Variants in RPAP2 observed in about 807,000 individuals in gnomAD.
RPAP2 encodes the protein RNA polymerase II associated protein 2.
A neutral mutation model predicts 73.1 loss-of-function variants in RPAP2; 52 were observed. The ratio of observed to expected loss-of-function variants is 0.71; its 90% CI spans 0.57 to 0.90. RPAP2 has a LOEUF of 0.90. Ranked by LOEUF, RPAP2 falls within the 40% of genes least tolerant of loss-of-function variation. RPAP2 has a pLI of 0.00. For synonymous variants in RPAP2, 225 were observed against 242.1 expected, an observed-to-expected ratio of 0.93 and a Z score of 0.65; for missense variants, 598 against 701.8, an observed-to-expected ratio of 0.85 and a Z score of 1.67.
chr1:92,356,469 G>T (rs1654467236), intron 11 of RPAP2, among the ~76,000 whole-genome samples: 1 of 151,832 alleles, frequency 6.6e-6, no homozygotes, highest in Non-Finnish European at 1.5e-5. Context: ...CCAGGCTGCA[G>T]TACAGGTGAC....
At chr1:92,314,431 T>C (rs905166242) in intron 6 of RPAP2, among the ~76,000 whole-genome samples, 3 of 151,642 alleles carry the variant, frequency 2.0e-5, no homozygotes, top group African/African-American at 7.3e-5. Flanking sequence ...ATCTGTGCAA[T>C]TGAAATGGAT....
chr1:92,352,448 GTT>G (rs11324775), intron 11 of RPAP2, among the ~76,000 whole-genome samples: 2 of 151,982 alleles, frequency 1.3e-5, no homozygotes, highest in East Asian at 1.9e-4. Flanking sequence ...TCAGCAGGCT[GTT>G]TTTTTTTAAA....
intron 5 of RPAP2, among the ~76,000 whole-genome samples, chr1:92,305,352 G>C (rs556448942): frequency 2.4e-4 from 35 of 146,256 alleles, no homozygotes; most frequent in Non-Finnish European, 4.6e-4. Context: ...AGAATGGCGT[G>C]AACCCGGGAG....
intron 11 of RPAP2, among the ~76,000 whole-genome samples, chr1:92,379,630 A>G (rs1440589715): frequency 2.0e-5 from 3 of 152,172 alleles, no homozygotes; most frequent in Non-Finnish European, 4.4e-5. Flanking sequence ...TCATTTATTT[A>G]GTGTTTTAAA....
chr1:92,329,118 A>G (rs184168656), intron 8 of RPAP2, among the ~76,000 whole-genome samples: 250 of 152,294 alleles, frequency 1.6e-3, no homozygotes, highest in African/African-American at 5.9e-3. Flanking sequence ...GTTGGCCTTC[A>G]GCCAGGAGGT....
intron 6 of RPAP2, among the ~76,000 whole-genome samples, chr1:92,317,306 A>G (rs981669699): frequency 3.3e-5 from 5 of 152,142 alleles, no homozygotes; most frequent in African/African-American, 1.2e-4. Context: ...CAGGAATTCG[A>G]GACCAGCCTG....
Position 92,387,182 on chromosome 1 carries a change from G to A in RPAP2, c.*171G>A, listed in dbSNP as rs977039176. The A allele has an allele frequency of 6.0e-6, 3 of 499,016 alleles. No homozygotes were observed. The highest frequency in any genetic ancestry group is 5.8e-5 in the African/African-American group (3 of 51,460). The allele number at this position is 499,016 out of a possible 1,614,324, so 30.9% of individuals were successfully genotyped here. ...AGTCCTTCAGTCCCCAACTGCAGAG[G>A]ATGACCTCCCCAGATAGAGGAGAAT... On this transcript the variant is annotated 3_prime_UTR_variant, in exon 13 of 13. Coordinates refer to ENST00000610020, the MANE Select transcript of RPAP2 (RefSeq NM_024813.3).
intron 12 of RPAP2, among the ~76,000 whole-genome samples, chr1:92,383,320 C>T (rs1013324911): frequency 1.3e-5 from 2 of 152,134 alleles, no homozygotes; most frequent in African/African-American, 4.8e-5. Context: ...TCATTGGTAG[C>T]TTTATGGGGA....
intron 11 of RPAP2, among the ~76,000 whole-genome samples, chr1:92,374,076 A>G (rs1332728099): frequency 6.6e-6 from 1 of 152,194 alleles, no homozygotes; most frequent in Non-Finnish European, 1.5e-5. Flanking sequence ...ATGTAAATAA[A>G]TGGTTATGGC....
At chr1:92,383,551 C>T (rs1296734175) in intron 12 of RPAP2, among the ~76,000 whole-genome samples, 1 of 152,180 alleles carries the variant, frequency 6.6e-6, no homozygotes, top group Non-Finnish European at 1.5e-5. Context: ...GGAGTTCACT[C>T]ATGATTTGGC....
At chr1:92,319,029 C>T (rs558708534) in intron 6 of RPAP2, among the ~76,000 whole-genome samples, 9 of 151,788 alleles carry the variant, frequency 5.9e-5, no homozygotes, top group East Asian at 3.9e-4. Flanking sequence ...GATTTAAACA[C>T]GATTACATGC....
At chr1:92,355,174 C>T (rs1163607243) in intron 11 of RPAP2, among the ~76,000 whole-genome samples, 1 of 151,906 alleles carries the variant, frequency 6.6e-6, no homozygotes, top group Non-Finnish European at 1.5e-5. Flanking sequence ...TTTTATTTAA[C>T]ATTTTTTTTA....
intron 11 of RPAP2, among the ~76,000 whole-genome samples, chr1:92,380,249 G>A (rs1557633637): frequency 1.3e-5 from 2 of 150,900 alleles, no homozygotes; most frequent in Non-Finnish European, 2.9e-5. Context: ...CTGCACTCCA[G>A]CCTAGATGAC....
chr1:92,318,658 T>C lies in RPAP2; in HGVS notation c.489-1941T>C, dbSNP rs74581960. On this transcript the variant is annotated intron_variant, in intron 6 of 12. Coordinates refer to ENST00000610020, the MANE Select transcript of RPAP2 (RefSeq NM_024813.3). ...TATGGGCTCTCATTTCTCTGCCTCATTGCTGATAAAGTACCCTCCTTTATC... is the reference window on the plus strand; with the variant it reads ...TATGGGCTCTCATTTCTCTGCCTCACTGCTGATAAAGTACCCTCCTTTATC... Among the ~76,000 whole-genome samples the C allele has an allele frequency of 2.5e-3, 385 of 152,324 alleles. 3 individuals are homozygous for C. Among genetic ancestry groups the C allele is most frequent in the South Asian group, 9.3e-3 (45 of 4,828 alleles).
In RPAP2 at chr1:92,399,070, CT is replaced by C. The variant is rs1304753173; in HGVS notation, c.*12062del. The C allele has an allele frequency of 1.3e-5, 2 of 152,178 alleles. No individual in the cohort carries two copies. The highest frequency in any genetic ancestry group is 4.8e-5 in the African/African-American group (2 of 41,446). 9.4% of individuals were successfully genotyped at this position (152,178 alleles called of 1,614,324 possible). A position where few individuals can be genotyped will look rare whatever the true frequency, so the allele number is the denominator to read the frequency against. On this transcript the variant is annotated 3_prime_UTR_variant, in exon 13 of 13. Transcript: ENST00000610020. ...GGGAGGTGGAATTGGATCAAAATAC[CT>C]TTAGATGAAAGCAGCAGCACAAGCC...
chr1:92,336,073 TA>T (rs145025494), intron 9 of RPAP2, among the ~76,000 whole-genome samples: 2,363 of 152,292 alleles, frequency 0.016, 27 homozygotes, highest in Middle Eastern at 0.051. Context: ...AATAAACAGG[TA>T]AGTAAAACTA....
chr1:92,399,287 G>A lies in RPAP2; in HGVS notation c.*12276G>A, dbSNP rs1180947946. 2 of 152,186 alleles carry A rather than the reference G, an allele frequency of 1.3e-5. No homozygotes were observed. The highest frequency in any genetic ancestry group is 2.4e-5 in the African/African-American group (1 of 41,434). 9.4% of individuals were successfully genotyped at this position (152,186 alleles called of 1,614,324 possible). A position where few individuals can be genotyped will look rare whatever the true frequency, so the allele number is the denominator to read the frequency against. The stretch of plus-strand genomic sequence containing the variant: ...TCAGGAAATTCTGGACTCCCTTGGG[G>A]CTTGCAAAACTCCCTATGTCTTGCA... On this transcript the variant is annotated 3_prime_UTR_variant, in exon 13 of 13. Transcript: ENST00000610020.
chr1:92,347,800 C>T (rs1038422645), intron 11 of RPAP2, among the ~76,000 whole-genome samples: 2 of 152,096 alleles, frequency 1.3e-5, no homozygotes, highest in African/African-American at 2.4e-5. Flanking sequence ...TGTAGGGAAC[C>T]TCTTATTTCA....
chr1:92,304,171 A>C, intron 4 of RPAP2, 96 bp downstream of exon 4: 3 of 1,159,078 alleles, frequency 2.6e-6, no homozygotes, highest in Non-Finnish European at 3.8e-6. Context: ...TAAGGTCATG[A>C]ACTAAAGGCA....
Sources: allele counts gnomAD v4.1 joint callset (sites outside exome capture counted in the v4.1 genomes callset), GRCh38; gene constraint gnomAD v4.1.1; transcripts MANE v1.5; gene names NCBI Gene and HGNC (gene_info 2026-07-23, HGNC 2026-07-21).